The following ANK3 variants were observed in gnomAD, a reference collection of about 807,000 sequenced individuals.
ANK3 encodes ankyrin 3.
In ANK3, 57 loss-of-function variants were observed where a neutral mutation model predicts 370.9. That is an observed-to-expected ratio of 0.15 (90% confidence interval 0.12 to 0.19). The LOEUF (loss-of-function observed/expected upper bound fraction) is 0.19, where lower values mean the gene tolerates loss of function less well. Ranked by LOEUF, ANK3 falls within the 10% of genes least tolerant of loss-of-function variation. The pLI, the probability that ANK3 is intolerant of heterozygous loss-of-function variation, is 1.00. For missense variants in ANK3, 4,439 were observed against 5,302.1 expected (o/e 0.84, Z 5.06); for synonymous variants, 1,929 against 1,946.3 (o/e 0.99, Z 0.23).
At chr10:60,682,397 A>AT (rs11424594) in intron 1 of ANK3, among the ~76,000 whole-genome samples, 73,116 of 148,274 alleles carry the variant, frequency 0.49, 17,924 homozygotes, top group South Asian at 0.67. Flanking sequence ...TCCGAGCCTC[A>AT]TTTTTTTTTT....
At chr10:60,139,215 G>A in intron 23 of ANK3, 128 bp from the exon 24 acceptor site, 1 of 1,125,518 alleles carries the variant, frequency 8.9e-7, no homozygotes, top group Non-Finnish European at 1.3e-6. Flanking sequence ...CTATCACCTG[G>A]ATAATTTTTG....
intron 7 of ANK3, among the ~76,000 whole-genome samples, chr10:60,253,354 G>A (rs555953896): frequency 1.2e-4 from 19 of 152,270 alleles, no homozygotes; most frequent in African/African-American, 3.6e-4. Flanking sequence ...AGTCCAGCAC[G>A]TATTCCTCCC....
chr10:60,621,688 T>G (rs2078339839), intron 1 of ANK3, among the ~76,000 whole-genome samples: 2 of 152,190 alleles, frequency 1.3e-5, no homozygotes, highest in African/African-American at 4.8e-5. Context: ...TTAGCAATTT[T>G]TATCTAGTTA....
intron 1 of ANK3, among the ~76,000 whole-genome samples, chr10:60,654,761 G>A (rs750472808): frequency 1.3e-5 from 2 of 152,130 alleles, no homozygotes; most frequent in Non-Finnish European, 1.5e-5. Context: ...TCCTTATAAT[G>A]TCTTTAAGTA....
chr10:60,138,788 C>A, intron 24 of ANK3, 176 bp downstream of exon 24: 1 of 799,410 alleles, frequency 1.3e-6, no homozygotes, highest in Non-Finnish European at 1.9e-6. Flanking sequence ...TTAACAACCG[C>A]AAACCACAAA....
chr10:60,200,192 G>A lies in ANK3; in HGVS notation c.1428C>T (p.Ser476=), dbSNP rs535590655. Reference sequence around the variant, plus strand: ...GATACCGCACAACTTCAGCTTGGCCGGAGCGAGCTGCCATGTGCAGTGCTG... The same window carrying A: ...GATACCGCACAACTTCAGCTTGGCCAGAGCGAGCTGCCATGTGCAGTGCTG... ...GETALHMAAR[S]GQAEVVRYLV... The change falls in exon 13 of 44, where the codon TCC becomes TCT. Residue 476 remains serine (S), a synonymous_variant. Coordinates refer to ENST00000280772, the MANE Select transcript of ANK3 (RefSeq NM_020987.5). 2.2e-5 allele frequency: 35 copies of A among 1,614,096 alleles called. No individual in the cohort carries two copies. Among genetic ancestry groups the A allele is most frequent in the Admixed American group, 6.7e-5 (4 of 60,010 alleles).
At chr10:60,713,988 T>C (rs2079747541) in intron 1 of ANK3, among the ~76,000 whole-genome samples, 2 of 151,126 alleles carry the variant, frequency 1.3e-5, no homozygotes, top group Non-Finnish European at 2.9e-5. Context: ...TTAATAAAGC[T>C]CTAGCCAGGC....
chr10:60,496,248 A>T (rs1030367460), intron 2 of ANK3, among the ~76,000 whole-genome samples: 1 of 152,240 alleles, frequency 6.6e-6, no homozygotes, highest in Non-Finnish European at 1.5e-5. Context: ...AATACTAAGC[A>T]GTACTTACCA....
intron 36 of ANK3, among the ~76,000 whole-genome samples, chr10:60,078,726 G>T (rs80347084): frequency 2.6e-5 from 4 of 152,140 alleles, no homozygotes; most frequent in Non-Finnish European, 5.9e-5. Context: ...GAAAGGCAGC[G>T]TGGTGAAGGA....
At chr10:60,110,979 T>C (rs889351718) in intron 26 of ANK3, among the ~76,000 whole-genome samples, 1 of 152,176 alleles carries the variant, frequency 6.6e-6, no homozygotes, top group African/African-American at 2.4e-5. Context: ...TCTTGTTCAC[T>C]GATTGACCTG....
chr10:60,071,651 A>C lies in ANK3; in HGVS notation c.9230T>G (p.Leu3077Arg), dbSNP rs765520078. Reference sequence around the variant, plus strand: ...TCCCTCTGTCTGGGCTAGTGGTGCGAGTTTTTCCAATCCATCAATGGGACT... The same window carrying C: ...TCCCTCTGTCTGGGCTAGTGGTGCGCGTTTTTCCAATCCATCAATGGGACT... The part of the protein sequence containing the change: ...DHSPIDGLEK[L>R]APLAQTEGGK... Residue 3077 changes from leucine (L) to arginine (R), a missense_variant, in exon 37 of 44, where the codon CTC (leucine) becomes CGC (arginine). Physicochemically the swap from Leu to Arg is moderately radical, Grantham distance 102 (BLOSUM62 -2). Around this residue, in one of 13 missense-constraint regions of ANK3, gnomAD observed 1,601 missense variants for 1,731.7 expected, o/e 0.92. Transcript: ENST00000280772. 1 of 1,608,672 alleles carries C rather than the reference A, an allele frequency of 6.2e-7. No individual in the cohort carries two copies. Among genetic ancestry groups the C allele is most frequent in the East Asian group, 2.2e-5 (1 of 44,860 alleles).
At chr10:60,495,862 T>C (rs1320072835) in intron 2 of ANK3, among the ~76,000 whole-genome samples, 2 of 152,174 alleles carry the variant, frequency 1.3e-5, no homozygotes, top group Non-Finnish European at 2.9e-5. Flanking sequence ...CAAAGGCTTG[T>C]CTTCAATAAT....
chr10:60,672,112 A>G (rs754263444), intron 1 of ANK3, among the ~76,000 whole-genome samples: 10 of 152,362 alleles, frequency 6.6e-5, no homozygotes, highest in Non-Finnish European at 1.2e-4. Flanking sequence ...CAATTATGAC[A>G]TTGCGATAAA....
chr10:60,347,980 A>C (rs1360775640), intron 1 of ANK3, among the ~76,000 whole-genome samples: 1 of 152,022 alleles, frequency 6.6e-6, no homozygotes, highest in East Asian at 1.9e-4. Flanking sequence ...GTGACTTTGA[A>C]CTTCTTAGCC....
intron 7 of ANK3, among the ~76,000 whole-genome samples, chr10:60,236,839 A>G (rs2097341492): frequency 6.6e-6 from 1 of 152,268 alleles, no homozygotes; most frequent in Non-Finnish European, 1.5e-5. Context: ...AAAGGGCCAC[A>G]TGGCAAATAT....
chr10:60,709,283 ATATC>A (rs2079665964), intron 1 of ANK3, among the ~76,000 whole-genome samples: 1 of 40,670 alleles, frequency 2.5e-5, no homozygotes, highest in African/African-American at 8.5e-5. Context: ...GGATATATCT[ATATC>A]TATATCTATA....
chr10:60,512,670 T>A (rs984372562), intron 2 of ANK3, among the ~76,000 whole-genome samples: 3 of 152,120 alleles, frequency 2.0e-5, no homozygotes, highest in Non-Finnish European at 4.4e-5. Context: ...CTTATGGCAA[T>A]CTGGAAAAAT....
At chr10:60,401,067 G>T (rs1202103261) in intron 2 of ANK3, among the ~76,000 whole-genome samples, 1 of 151,952 alleles carries the variant, frequency 6.6e-6, no homozygotes, top group Non-Finnish European at 1.5e-5. Context: ...ATTTCAAATC[G>T]TGGATTTAAA....
At chr10:60,624,550 G>C (rs1178104875) in intron 1 of ANK3, among the ~76,000 whole-genome samples, 1 of 152,086 alleles carries the variant, frequency 6.6e-6, no homozygotes, top group Non-Finnish European at 1.5e-5. Context: ...GAATATAATA[G>C]CTTTCAGAGT....
Sources: allele counts gnomAD v4.1 joint callset (sites outside exome capture counted in the v4.1 genomes callset), GRCh38; gene constraint gnomAD v4.1.1; regional missense constraint gnomAD v4.1.1; transcripts MANE v1.5; gene names NCBI Gene and HGNC (gene_info 2026-07-23, HGNC 2026-07-21).